The following PAH variants were observed in gnomAD, a reference collection of about 807,000 sequenced individuals.
PAH encodes the protein phenylalanine hydroxylase.
PAH carries 64 observed loss-of-function variants against 62.0 expected under a neutral mutation model. That is an observed-to-expected ratio of 1.03 (90% CI 0.84 to 1.27). The LOEUF (loss-of-function observed/expected upper bound fraction) is 1.27, where lower values mean the gene tolerates loss of function less well. PAH is among the 50% of genes most tolerant of loss of function. The pLI, the probability that PAH is intolerant of heterozygous loss-of-function variation, is 0.00. For missense variants in PAH, 579 were observed against 542.8 expected (o/e 1.07, Z -0.66); for synonymous variants, 195 against 196.2 (o/e 0.99, Z 0.05).
intron 1 of PAH, among the ~76,000 whole-genome samples, chr12:102,938,561 G>A (rs1593001031): frequency 6.6e-6 from 1 of 152,130 alleles, no homozygotes; most frequent in South Asian, 2.1e-4. Flanking sequence ...TTCAGGCAAA[G>A]CCCACTGGCC....
chr12:102,905,433 C>T (rs1877936800), intron 2 of PAH, among the ~76,000 whole-genome samples: 4 of 152,194 alleles, frequency 2.6e-5, no homozygotes, highest in Admixed American at 2.6e-4. Context: ...TTTGTTTCAA[C>T]ATTCCCAGTT....
At chr12:102,935,257 G>GATGA (rs1351842465) in intron 1 of PAH, among the ~76,000 whole-genome samples, 1 of 152,074 alleles carries the variant, frequency 6.6e-6, no homozygotes, top group African/African-American at 2.4e-5. Context: ...ACGTGGTCTT[G>GATGA]ATGAATGATC....
At chr12:102,854,988 A>G (rs1875342596) in intron 6 of PAH, 148 bp downstream of exon 6, 2 of 729,366 alleles carry the variant, frequency 2.7e-6, no homozygotes, top group African/African-American at 1.7e-5. Context: ...AGTGAAATTT[A>G]GTTCTTCCTG....
At chr12:102,958,405 A>AGCG (rs774568605), upstream of PAH, 9 of 1,506,452 alleles carry the variant, frequency 6.0e-6, no homozygotes, top group Non-Finnish European at 1.8e-6. Flanking sequence ...CAGCAGCAGC[A>AGCG]GCAGCAGCAG....
chr12:102,852,867 G>A lies in PAH; in HGVS notation c.790C>T (p.His264Tyr), dbSNP rs749668037. ...CCATGTCTGATGTACTGTGTGCAGT[G>A]GAAGACTCGGAAGGCCAGGCCACCC... ...FLGGLAFRVF[H>Y]CTQYIRHGSK... Residue 264 changes from histidine to tyrosine, a missense_variant, in exon 7 of 13, where the codon CAC (histidine) becomes TAC (tyrosine). By Grantham distance (83) the His-to-Tyr change is moderately conservative. Transcript: ENST00000553106. The A allele has an allele frequency of 3.7e-6, 6 of 1,613,970 alleles. No homozygotes were observed. The African/African-American group carries it at 5.3e-5, about 14-fold the overall frequency.
chr12:102,917,042 AC>A lies in PAH; in HGVS notation c.60+28del, dbSNP rs770397705. Reference sequence around the variant, plus strand: ...TTCTCTGGAGGCCCAAATTCCCCTAACTGAGCAGCTCAGGCTGCCGTGGCTC... The same window carrying A: ...TTCTCTGGAGGCCCAAATTCCCCTAATGAGCAGCTCAGGCTGCCGTGGCTC... On this transcript the variant is annotated intron_variant, in intron 1 of 12. Transcript: ENST00000553106. 8.4e-5 allele frequency: 135 copies of A among 1,610,670 alleles called. No individual in the cohort carries two copies. Among genetic ancestry groups the A allele is most frequent in the Non-Finnish European group, 1.1e-4 (127 of 1,176,940 alleles).
At position 102,866,677 on chromosome 12, in the gene PAH, G is replaced by A. The variant is rs775806999; in HGVS notation, c.442-14C>T. On this transcript the variant is annotated splice_polypyrimidine_tract_variant and intron_variant, in intron 4 of 12. Transcript: ENST00000553106. ...ATCTTTAAAACCCTAGGAGAAAAGA[G>A]ACACCTGATTTTTCAAGGCTTCATA... The A allele has an allele frequency of 5.0e-6, 8 of 1,610,548 alleles. No individual in the cohort carries two copies. The East Asian group carries it at 1.6e-4, about 31-fold the overall frequency.
At chr12:102,881,016 T>C (rs908204462) in intron 3 of PAH, among the ~76,000 whole-genome samples, 2 of 150,246 alleles carry the variant, frequency 1.3e-5, no homozygotes, top group African/African-American at 2.4e-5. Context: ...TATTTATTAA[T>C]TTAATTTATT....
At chr12:102,925,997 G>T (rs921944565) in intron 1 of PAH, among the ~76,000 whole-genome samples, 1 of 152,004 alleles carries the variant, frequency 6.6e-6, no homozygotes, top group African/African-American at 2.4e-5. Flanking sequence ...GATCACTGAG[G>T]TGCTGTCATT....
intron 2 of PAH, among the ~76,000 whole-genome samples, chr12:102,911,336 G>T (rs1878195233): frequency 6.6e-6 from 1 of 152,156 alleles, no homozygotes; most frequent in Non-Finnish European, 1.5e-5. Context: ...ATTTTGCACT[G>T]CGCCCTGCAA....
At chr12:102,926,996 C>T (rs1317974749) in intron 1 of PAH, among the ~76,000 whole-genome samples, 1 of 151,922 alleles carries the variant, frequency 6.6e-6, no homozygotes, top group Non-Finnish European at 1.5e-5. Flanking sequence ...TTACCGCAAC[C>T]CCACTGACTA....
chr12:102,838,120 T>G lies in PAH; in HGVS notation c.*1055A>C, dbSNP rs185258361. ...CCCACTGCTTCTCAGATATTCATGT[T>G]TTCATGGCAAACACACAATCAACAA... On this transcript the variant is annotated 3_prime_UTR_variant, in exon 13 of 13. Transcript: ENST00000553106. 6 of 152,358 alleles carry G rather than the reference T, an allele frequency of 3.9e-5. No homozygotes were observed. Among genetic ancestry groups the G allele is most frequent in the African/African-American group, 1.4e-4 (6 of 41,590 alleles). The allele number at this position is 152,358 out of a possible 1,614,324, so 9.4% of individuals were successfully genotyped here.
chr12:102,956,078 G>C (rs948764700), intron 1 of PAH, among the ~76,000 whole-genome samples: 10 of 152,222 alleles, frequency 6.6e-5, no homozygotes, highest in Middle Eastern at 3.4e-3. Context: ...TCATCCCCTT[G>C]GCCCTTTAGA....
intron 8 of PAH, among the ~76,000 whole-genome samples, chr12:102,850,002 A>G (rs552703901): frequency 2.0e-5 from 3 of 152,360 alleles, no homozygotes; most frequent in African/African-American, 7.2e-5. Context: ...GGGTTCCCCA[A>G]AGTGGAAATG....
chr12:102,845,523 T>C (rs1045733039), intron 9 of PAH, among the ~76,000 whole-genome samples: 1 of 152,206 alleles, frequency 6.6e-6, no homozygotes, highest in Non-Finnish European at 1.5e-5. Flanking sequence ...GTACTTTTCT[T>C]TCAATAACTG....
upstream of PAH, among the ~76,000 whole-genome samples, chr12:102,951,060 G>GT (rs201594398): frequency 1.5e-5 from 1 of 65,252 alleles, no homozygotes; most frequent in Non-Finnish European, 3.1e-5. Context: ...TTTGTGCGTG[G>GT]GGGGGGAAGC....
chr12:102,863,510 C>T (rs1405677593), intron 5 of PAH, among the ~76,000 whole-genome samples: 3 of 152,110 alleles, frequency 2.0e-5, no homozygotes, highest in Non-Finnish European at 2.9e-5. Flanking sequence ...CATTCTCCTG[C>T]ATTGTGCCTG....
In PAH at chr12:102,843,647, T is replaced by C. The variant is rs199475593; in HGVS notation, c.1198A>G (p.Arg400Gly). The C allele has an allele frequency of 1.2e-6, 2 of 1,613,528 alleles. No homozygotes were observed. Residue 400 changes from arginine to glycine, a missense_variant and splice_region_variant, in exon 11 of 13, where the codon AGG (arginine) becomes GGG (glycine). By Grantham distance (125) the Arg-to-Gly change is moderately radical. Coordinates refer to ENST00000553106, the MANE Select transcript of PAH (RefSeq NM_000277.3). The part of the protein sequence containing the change: ...ESFNDAKEKV[R>G]NFAATIPRPF... ...GGCTCACCTTTGTCACCACCTCACC[T>C]TACTTTCTCCTTGGCATCATTAAAA...
At chr12:102,903,360 C>CAAAAA (rs34480214) in intron 2 of PAH, among the ~76,000 whole-genome samples, 9 of 132,026 alleles carry the variant, frequency 6.8e-5, no homozygotes, top group African/African-American at 2.2e-4. Context: ...GATTCTGTCT[C>CAAAAA]AAAAAAAAAA....
Sources: allele counts gnomAD v4.1 joint callset (sites outside exome capture counted in the v4.1 genomes callset), GRCh38; gene constraint gnomAD v4.1.1; transcripts MANE v1.5; gene names NCBI Gene and HGNC (gene_info 2026-07-23, HGNC 2026-07-21).